The following WLS variants were observed in gnomAD, a reference collection of about 807,000 sequenced individuals.
WLS encodes the protein protein wntless homolog.
Under a neutral mutation model 62.8 loss-of-function variants are expected in WLS, and 23 were observed. That is an observed-to-expected ratio of 0.37 (90% CI 0.26 to 0.52). The LOEUF (loss-of-function observed/expected upper bound fraction) is 0.52, where lower values mean the gene tolerates loss of function less well. WLS is among the 20% of genes least tolerant of loss of function. The pLI is 0.92. For synonymous variants in WLS, 246 were observed against 244.1 expected, an observed-to-expected ratio of 1.01 and a Z score of -0.07; for missense variants, 615 against 697.3, an observed-to-expected ratio of 0.88 and a Z score of 1.33.
At chr1:68,138,053 G>A in intron 10 of WLS, 120 bp from the exon 11 acceptor site, 1 of 1,148,694 alleles carries the variant, frequency 8.7e-7, no homozygotes, top group Non-Finnish European at 1.2e-6. Context: ...GAAACATGAA[G>A]GGCCATGTAA....
intron 6 of WLS, among the ~76,000 whole-genome samples, chr1:68,149,299 G>A (rs576702011): frequency 6.6e-6 from 1 of 152,278 alleles, no homozygotes; most frequent in East Asian, 1.9e-4. Flanking sequence ...TGGCTTCCTG[G>A]TGCTGGACCA....
At chr1:68,168,974 C>G (rs1435394378) in intron 2 of WLS, among the ~76,000 whole-genome samples, 1 of 152,192 alleles carries the variant, frequency 6.6e-6, no homozygotes, top group African/African-American at 2.4e-5. Flanking sequence ...TCTTAAGATG[C>G]CCTACAGGCC....
downstream of WLS, among the ~76,000 whole-genome samples, chr1:68,120,388 G>T (rs1646348787): frequency 6.6e-6 from 1 of 152,228 alleles, no homozygotes; most frequent in Non-Finnish European, 1.5e-5. Flanking sequence ...TGAAGAGCTT[G>T]TTTTTAAGGC....
intron 1 of WLS, among the ~76,000 whole-genome samples, chr1:68,206,149 G>A (rs1264136187): frequency 6.6e-6 from 1 of 152,184 alleles, no homozygotes; most frequent in Non-Finnish European, 1.5e-5. Flanking sequence ...CAGCAGATGA[G>A]TGATGTCATT....
At chr1:68,098,635 A>G in exon 12 of WLS, 1 of 1,613,784 alleles carries the variant, frequency 6.2e-7, no homozygotes, top group Non-Finnish European at 8.5e-7. Context: ...TGTTGACTCA[A>G]ATACCAGAAG....
chr1:68,180,700 A>G (rs1647514114), intron 2 of WLS, among the ~76,000 whole-genome samples: 2 of 152,048 alleles, frequency 1.3e-5, no homozygotes, highest in Non-Finnish European at 1.5e-5. Flanking sequence ...GCCTCTGTAC[A>G]CTAGTGATGG....
intron 11 of WLS, among the ~76,000 whole-genome samples, chr1:68,106,808 C>T (rs1300091223): frequency 6.6e-6 from 1 of 151,708 alleles, no homozygotes; most frequent in Non-Finnish European, 1.5e-5. Context: ...GTGTCCAGGA[C>T]AAGAGATGCT....
chr1:68,142,627 G>A (rs1275165565), intron 10 of WLS: 2 of 152,328 alleles, frequency 1.3e-5, no homozygotes, highest in South Asian at 2.1e-4. Context: ...AAGTTTCCAA[G>A]GTTTTATAAA....
chr1:68,114,313 C>T (rs1305804585), intron 11 of WLS, among the ~76,000 whole-genome samples: 2 of 152,174 alleles, frequency 1.3e-5, no homozygotes, highest in Non-Finnish European at 2.9e-5. Flanking sequence ...ACAGAAAACA[C>T]TGGATTCTAT....
chr1:68,126,231 C>A lies in WLS; in HGVS notation c.1621G>T (p.Glu541Ter). ...CAGCCGGGCGCTGCAGCCTCCTACT[C>A]CTGGGCCTCCTTGCGGGTCAACTTG... ...IYKLTRKEAQE is the reference protein window; with the variant it reads ...IYKLTRKEAQ Residue 541 changes from glutamate to a stop codon, truncating the protein, a stop_gained, in exon 12 of 12, where the codon GAG becomes TAG. Transcript: ENST00000262348. LOFTEE classifies it high-confidence loss of function. 1 of 1,614,148 alleles carries A rather than the reference C, an allele frequency of 6.2e-7. No individual in the cohort carries two copies. The highest frequency in any genetic ancestry group is 8.5e-7 in the Non-Finnish European group (1 of 1,180,026).
chr1:68,228,665 A>G (rs1297694958), intron 1 of WLS, among the ~76,000 whole-genome samples: 1 of 151,690 alleles, frequency 6.6e-6, no homozygotes, highest in East Asian at 1.9e-4. Flanking sequence ...ATGTATTTAG[A>G]TGTATTTAGA....
At chr1:68,145,725 A>C in intron 9 of WLS, 144 bp downstream of exon 9, 1 of 1,385,320 alleles carries the variant, frequency 7.2e-7, no homozygotes, top group Non-Finnish European at 9.6e-7. Context: ...TTGGCCTCTA[A>C]TTTTGCCCAG....
At chr1:68,199,907 A>G (rs1341178671) in intron 1 of WLS, among the ~76,000 whole-genome samples, 1 of 152,182 alleles carries the variant, frequency 6.6e-6, no homozygotes, top group East Asian at 1.9e-4. Context: ...AAATGGCCCC[A>G]AAGAGCCTTT....
At chr1:68,140,976 C>T (rs1051833612) in intron 10 of WLS, among the ~76,000 whole-genome samples, 5 of 151,446 alleles carry the variant, frequency 3.3e-5, no homozygotes, top group Non-Finnish European at 7.4e-5. Flanking sequence ...AGCCCCCCTC[C>T]GCCAAACCCT....
chr1:68,144,624 A>G lies in WLS; in HGVS notation c.1307T>C (p.Met436Thr). 6.2e-7 allele frequency: 1 copy of G among 1,613,736 alleles called. No homozygotes were observed. Residue 436 changes from methionine to threonine, a missense_variant, in exon 10 of 12, where the codon ATG becomes ACG. Met to Thr is a moderately conservative substitution (Grantham distance 81, BLOSUM62 -1). Transcript: ENST00000262348. ...EGLIFRFKFL[M>T]LITLACAAMT... ...GGCAGCGCAGGCCAAGGTGATAAGC[A>G]TGAGGAACTTGAACCTAAAAATTAG...
At chr1:68,118,875 C>CAAAAAAAAAAA (rs33982774) in intron 11 of WLS, among the ~76,000 whole-genome samples, 1,690 of 26,390 alleles carry the variant, frequency 0.064, 413 homozygotes, top group East Asian at 0.13. Flanking sequence ...GACTCTGTCT[C>CAAAAAAAAAAA]AAAAAAAAAA....
chr1:68,127,731 T>A (rs1646456657), intron 11 of WLS, among the ~76,000 whole-genome samples: 1 of 152,200 alleles, frequency 6.6e-6, no homozygotes, highest in Non-Finnish European at 1.5e-5. Flanking sequence ...ATTAAGTAAC[T>A]AAATGCTGTT....
chr1:68,162,205 T>C, intron 2 of WLS: 1 of 1,447,360 alleles, frequency 6.9e-7, no homozygotes, highest in South Asian at 1.1e-5. Context: ...CTCACGCACA[T>C]AGAGGGCTGC....
chr1:68,110,986 G>A (rs1646222102), intron 11 of WLS, among the ~76,000 whole-genome samples: 1 of 152,010 alleles, frequency 6.6e-6, no homozygotes, highest in African/African-American at 2.4e-5. Context: ...TTTATTTAAA[G>A]AATTTTTTTG....
Sources: allele counts gnomAD v4.1 joint callset (sites outside exome capture counted in the v4.1 genomes callset), GRCh38; gene constraint gnomAD v4.1.1; transcripts MANE v1.5; gene names NCBI Gene and HGNC (gene_info 2026-07-23, HGNC 2026-07-21).